SOHLH2: variants seen among roughly 807,000 people sequenced by gnomAD.
SOHLH2 encodes the protein spermatogenesis- and oogenesis-specific basic helix-loop-helix-containing protein 2.
A neutral mutation model predicts 50.4 loss-of-function variants in SOHLH2; 22 were observed. That is an observed-to-expected ratio of 0.44 (90% CI 0.31 to 0.62). The LOEUF is 0.62. Among genes scored for constraint, SOHLH2 ranks in the 20% least tolerant of loss-of-function variants. The probability of loss-of-function intolerance (pLI) is 0.08; values close to 1 mark genes in which losing one functional copy is unlikely to be tolerated. For synonymous variants in SOHLH2, 185 were observed against 187.3 expected (o/e 0.99, Z 0.10); for missense variants, 412 against 504.4 (o/e 0.82, Z 1.76).
At chr13:36,212,415 T>A (rs1869180359) in intron 1 of SOHLH2, among the ~76,000 whole-genome samples, 1 of 152,188 alleles carries the variant, frequency 6.6e-6, no homozygotes, top group Non-Finnish European at 1.5e-5. Context: ...ATTAACAGAA[T>A]AGTTTATAAT....
chr13:36,206,244 T>A (rs895381219), intron 1 of SOHLH2, among the ~76,000 whole-genome samples: 1 of 152,042 alleles, frequency 6.6e-6, no homozygotes, highest in East Asian at 1.9e-4. Flanking sequence ...TCAGACGGTA[T>A]AATTACACAA....
Position 36,168,735 on chromosome 13 carries a change from G to T in SOHLH2, c.*299C>A. ...ATAGCATGCTTTTTTCATAAATTGT[G>T]GAATATTTTTTGAGAAAAGAGAGTG... On this transcript the variant is annotated 3_prime_UTR_variant, in exon 11 of 11. Transcript: ENST00000379881. 2.5e-6 allele frequency: 1 copy of T among 405,452 alleles called. No individual in the cohort carries two copies. 25.1% of individuals were successfully genotyped at this position (405,452 alleles called of 1,614,324 possible).
At chr13:36,207,423 T>C (rs1868843249) in intron 1 of SOHLH2, among the ~76,000 whole-genome samples, 1 of 152,132 alleles carries the variant, frequency 6.6e-6, no homozygotes, top group Non-Finnish European at 1.5e-5. Flanking sequence ...AAGTGCTTAA[T>C]TGTCTTTTTA....
At position 36,205,993 on chromosome 13, in the gene SOHLH2, A is replaced by T. The variant is rs1271269489; in HGVS notation, c.49-3900T>A. On this transcript the variant is annotated intron_variant, in intron 1 of 10. Coordinates refer to ENST00000379881, the MANE Select transcript of SOHLH2 (RefSeq NM_017826.3). The stretch of plus-strand genomic sequence containing the variant: ...ATATTGTTTAATGTTTTAATTTTAA[A>T]ATATATATATAATACCTATTACTGG... Among the ~76,000 whole-genome samples the T allele has an allele frequency of 2.6e-5, 4 of 151,914 alleles. No individual in the cohort carries two copies. In the East Asian group the frequency reaches 5.8e-4, roughly 22 times the overall value.
intron 1 of SOHLH2, among the ~76,000 whole-genome samples, chr13:36,210,853 T>A (rs916836873): frequency 6.6e-6 from 1 of 151,306 alleles, no homozygotes; most frequent in Admixed American, 6.6e-5. Flanking sequence ...ATTTCTACAG[T>A]AGAGAGCGTT....
rs1886939799 is a variant in SOHLH2 at position 36,170,713 on chromosome 13, G to A, written c.1075C>T (p.Leu359=). 6.2e-7 allele frequency: 1 copy of A among 1,614,202 alleles called. No individual in the cohort carries two copies. Among genetic ancestry groups the A allele is most frequent in the Non-Finnish European group, 8.5e-7 (1 of 1,180,020 alleles). Residue 359 remains leucine (L), a synonymous_variant, in exon 10 of 11, where the codon CTG becomes TTG. Transcript: ENST00000379881. ...TATCTGACAGTATGCAAGGAATTCA[G>A]AGACAGCGCTGCACTGGAAATGTGA... The part of the protein sequence containing the change: ...KTHISSAALS[L]NSLHTVRYYS...
intron 1 of SOHLH2, among the ~76,000 whole-genome samples, chr13:36,202,674 A>T (rs1868497263): frequency 6.6e-6 from 1 of 152,320 alleles, no homozygotes; most frequent in African/African-American, 2.4e-5. Context: ...AGCATTCCCA[A>T]CTTCATGTTT....
intron 6 of SOHLH2, among the ~76,000 whole-genome samples, chr13:36,175,275 C>T (rs1209455983): frequency 1.3e-5 from 2 of 152,200 alleles, no homozygotes; most frequent in Non-Finnish European, 2.9e-5. Context: ...AATCCTTTTG[C>T]GATTCACACT....
At chr13:36,199,311 T>TCACACACACA (rs3838357) in intron 2 of SOHLH2, among the ~76,000 whole-genome samples, 2 of 149,114 alleles carry the variant, frequency 1.3e-5, no homozygotes, top group African/African-American at 4.9e-5. Flanking sequence ...TTACACACCC[T>TCACACACACA]CACACACACA....
chr13:36,184,040 C>T (rs79033537), intron 6 of SOHLH2, among the ~76,000 whole-genome samples: 3,167 of 152,182 alleles, frequency 0.021, 96 homozygotes, highest in African/African-American at 0.069. Context: ...TACTACACCC[C>T]CCAAACAGAA....
Position 36,168,605 on chromosome 13 carries a change from A to G in SOHLH2, c.*429T>C, listed in dbSNP as rs1175639825. 1.7e-5 allele frequency: 3 copies of G among 174,060 alleles called. No individual in the cohort carries two copies. In the East Asian group the frequency reaches 4.5e-4, roughly 26 times the overall value. 10.8% of individuals were successfully genotyped at this position (174,060 alleles called of 1,614,324 possible). A position where few individuals can be genotyped will look rare whatever the true frequency, so the allele number is the denominator to read the frequency against. ...AAATGAGTGACAGTAATTCACAGGG[A>G]TACTAAAAATAAGAATCAAGTTGTA... is the stretch of plus-strand genomic sequence containing the variant. On this transcript the variant is annotated 3_prime_UTR_variant, in exon 11 of 11. Coordinates refer to ENST00000379881, the MANE Select transcript of SOHLH2 (RefSeq NM_017826.3).
Position 36,198,269 on chromosome 13 carries a change from C to T in SOHLH2, c.263+3610G>A, listed in dbSNP as rs371338579. On this transcript the variant is annotated intron_variant, in intron 2 of 10. Coordinates refer to ENST00000379881, the MANE Select transcript of SOHLH2 (RefSeq NM_017826.3). ...GGAACCATTTCATTGAGAAGAAAAC[C>T]GCAACTCCCCATATACTGACGAGTT... 1.6e-4 allele frequency among the ~76,000 whole-genome samples: 24 copies of T among 152,236 alleles called. 1 individual carries two copies. The South Asian group carries it at 3.9e-3, about 25-fold the overall frequency.
chr13:36,204,102 C>G (rs980711028), intron 1 of SOHLH2, among the ~76,000 whole-genome samples: 3 of 151,788 alleles, frequency 2.0e-5, no homozygotes, highest in Non-Finnish European at 2.9e-5. Flanking sequence ...AGGTGCCCAC[C>G]ACCATGCCTG....
chr13:36,204,371 T>C (rs1049352731), intron 1 of SOHLH2, among the ~76,000 whole-genome samples: 4 of 152,246 alleles, frequency 2.6e-5, no homozygotes, highest in African/African-American at 9.6e-5. Flanking sequence ...TCTCCATTTA[T>C]GTTAAAATAT....
rs61750906 is a variant in SOHLH2 at position 36,170,583 on chromosome 13, C to T, written c.1205G>A (p.Arg402Gln). The T allele has an allele frequency of 0.018, 29,545 of 1,613,976 alleles. 348 individuals are homozygous for T. Among genetic ancestry groups the T allele is most frequent in the Non-Finnish European group, 0.021 (24,705 of 1,179,990 alleles). Reference protein sequence around the residue: ...AMPPVSKLLPRHCTSGLGQTC... With the variant: ...AMPPVSKLLPQHCTSGLGQTC... Reference sequence around the variant, plus strand: ...CTGGCCCAACCCAGAAGTGCAGTGCCGAGGGAGAAGCTTTGAGACCGGGGG... The same window carrying T: ...CTGGCCCAACCCAGAAGTGCAGTGCTGAGGGAGAAGCTTTGAGACCGGGGG... Residue 402 changes from arginine to glutamine, a missense_variant, in exon 10 of 11, where the codon CGG (arginine) becomes CAG (glutamine). Physicochemically the swap from Arg to Gln is conservative, Grantham distance 43 (BLOSUM62 1). Transcript: ENST00000379881.
chr13:36,202,917 G>A lies in SOHLH2; in HGVS notation c.49-824C>T, dbSNP rs538023600. 3.3e-5 allele frequency among the ~76,000 whole-genome samples: 5 copies of A among 152,302 alleles called. No individual in the cohort carries two copies. In the South Asian group the frequency reaches 1.0e-3, roughly 32 times the overall value. On this transcript the variant is annotated intron_variant, in intron 1 of 10. Transcript: ENST00000379881. The stretch of plus-strand genomic sequence containing the variant: ...AGCTTGGCAAAGAAGCAACTCCACA[G>A]GGCAGGATGCTGGTGTAAGTGGCCC...
In SOHLH2 at chr13:36,193,935, T is replaced by C. The variant is rs1281508439; in HGVS notation, c.264-68A>G. On this transcript the variant is annotated intron_variant, in intron 2 of 10. Transcript: ENST00000379881. The stretch of plus-strand genomic sequence containing the variant: ...TTCAAAAAATTGAGATTCAGGAGTT[T>C]AGCTTATTAGGAACTAACTACAGTG... 1.2e-5 allele frequency: 17 copies of C among 1,455,316 alleles called. No homozygotes were observed. In the South Asian group the frequency reaches 1.4e-4, roughly 12 times the overall value. 90.2% of individuals were successfully genotyped at this position (1,455,316 alleles called of 1,614,324 possible).
chr13:36,195,738 A>G (rs1395747292), intron 2 of SOHLH2, among the ~76,000 whole-genome samples: 1 of 152,194 alleles, frequency 6.6e-6, no homozygotes, highest in Non-Finnish European at 1.5e-5. Context: ...TATTTACTAA[A>G]TTAATTACTT....
intron 2 of SOHLH2, among the ~76,000 whole-genome samples, chr13:36,200,860 C>T (rs1419413980): frequency 6.6e-6 from 1 of 151,724 alleles, no homozygotes; most frequent in Non-Finnish European, 1.5e-5. Context: ...ACCAGCCTGA[C>T]CAATATGGTA....
Sources: allele counts gnomAD v4.1 joint callset (sites outside exome capture counted in the v4.1 genomes callset), GRCh38; gene constraint gnomAD v4.1.1; transcripts MANE v1.5; gene names NCBI Gene and HGNC (gene_info 2026-07-23, HGNC 2026-07-21).